The following ATAD5 variants were observed in gnomAD, a reference collection of about 807,000 sequenced individuals.
ATAD5 encodes the protein ATPase family AAA domain containing 5.
In ATAD5, 58 loss-of-function variants were observed where a neutral mutation model predicts 176.9. The ratio of observed to expected loss-of-function variants is 0.33; its 90% CI spans 0.27 to 0.41. ATAD5 has a LOEUF of 0.41. Among genes scored for constraint, ATAD5 ranks in the 10% least tolerant of loss-of-function variants. The pLI is 1.00. For synonymous variants in ATAD5, 640 were observed against 712.6 expected (o/e 0.90, Z 1.62); for missense variants, 1,789 against 2,094.1 (o/e 0.85, Z 2.84).
chr17:30,838,603 G>A (rs914137702), intron 3 of ATAD5, among the ~76,000 whole-genome samples: 11 of 152,194 alleles, frequency 7.2e-5, no homozygotes, highest in Admixed American at 3.9e-4. Context: ...CGAGATGCCA[G>A]CTGATTGTAC....
intron 11 of ATAD5, 106 bp downstream of exon 11, chr17:30,865,906 C>T (rs1907949736): frequency 5.1e-6 from 3 of 583,960 alleles, no homozygotes; most frequent in Non-Finnish European, 8.2e-6. Flanking sequence ...ATAAAATCTT[C>T]AAAAAACTGG....
chr17:30,855,029 T>C (rs1487515315), intron 6 of ATAD5, 114 bp from the exon 7 acceptor site: 4 of 966,444 alleles, frequency 4.1e-6, no homozygotes, highest in East Asian at 2.7e-5. Flanking sequence ...AAAGTACTTA[T>C]ATTACAGGCA....
chr17:30,858,846 T>C (rs1002148891), intron 9 of ATAD5, among the ~76,000 whole-genome samples: 1 of 152,126 alleles, frequency 6.6e-6, no homozygotes, highest in Non-Finnish European at 1.5e-5. Context: ...GCACCTAGCT[T>C]ATTTTATTTT....
chr17:30,887,952 C>T (rs900882759), intron 19 of ATAD5, among the ~76,000 whole-genome samples: 8 of 152,022 alleles, frequency 5.3e-5, no homozygotes, highest in Admixed American at 2.6e-4. Flanking sequence ...CTGCCTCAGC[C>T]TCCCGAGTAG....
chr17:30,839,246 T>C (rs1905931461), intron 3 of ATAD5, among the ~76,000 whole-genome samples: 2 of 152,190 alleles, frequency 1.3e-5, no homozygotes, highest in Non-Finnish European at 2.9e-5. Flanking sequence ...GTTAGATTTT[T>C]TTCTCTCCAG....
intron 3 of ATAD5, among the ~76,000 whole-genome samples, chr17:30,837,552 A>C (rs1319924052): frequency 6.6e-6 from 1 of 152,246 alleles, no homozygotes; most frequent in African/African-American, 2.4e-5. Context: ...ACTTATAAAA[A>C]GCTTTCTTAG....
intron 6 of ATAD5, among the ~76,000 whole-genome samples, chr17:30,848,466 C>G (rs1318758678): frequency 6.6e-6 from 1 of 151,972 alleles, no homozygotes; most frequent in African/African-American, 2.4e-5. Context: ...GCCATGTTGC[C>G]CAGGCTGGTC....
Position 30,835,229 on chromosome 17 carries a change from T to C in ATAD5, c.1148T>C (p.Leu383Ser). The change falls in exon 2 of 23, where the codon TTG becomes TCG. Residue 383 changes from leucine (L) to serine (S), a missense_variant. This residue lies in a region of ATAD5 where 696 missense variants were observed against 712.5 expected (regional missense o/e 0.98). Coordinates refer to ENST00000321990, the MANE Select transcript of ATAD5 (RefSeq NM_024857.5). ...IQEEELELAV[L>S]EAGSSEAVKP... Reference sequence around the variant, plus strand: ...GAGGAAGAATTAGAATTGGCTGTTTTGGAAGCTGGAAGTTCTGAAGCTGTG... The same window carrying C: ...GAGGAAGAATTAGAATTGGCTGTTTCGGAAGCTGGAAGTTCTGAAGCTGTG... The C allele has an allele frequency of 1.9e-6, 3 of 1,614,042 alleles. No individual in the cohort carries two copies. Among genetic ancestry groups the C allele is most frequent in the Non-Finnish European group, 2.5e-6 (3 of 1,179,988 alleles).
In ATAD5 at chr17:30,891,746, C is replaced by T. The variant is rs1461713366; in HGVS notation, c.4259-861C>T. On this transcript the variant is annotated intron_variant, in intron 19 of 22. Coordinates refer to ENST00000321990, the MANE Select transcript of ATAD5 (RefSeq NM_024857.5). Reference sequence around the variant, plus strand: ...TGTTGCCGAGGCTGGAGTGCAGTGGCGTGATCTCGGCTCACTGCAACCTCC... The same window carrying T: ...TGTTGCCGAGGCTGGAGTGCAGTGGTGTGATCTCGGCTCACTGCAACCTCC... 2.6e-5 allele frequency among the ~76,000 whole-genome samples: 4 copies of T among 151,992 alleles called. No homozygotes were observed. The East Asian group carries it at 5.8e-4, about 22-fold the overall frequency.
At chr17:30,857,281 C>T (rs1907343168) in intron 8 of ATAD5, among the ~76,000 whole-genome samples, 169 bp downstream of exon 8, 1 of 151,266 alleles carries the variant, frequency 6.6e-6, no homozygotes, top group Non-Finnish European at 1.5e-5. Context: ...TGCAGTGGTG[C>T]AATCTTGGCT....
intron 18 of ATAD5, among the ~76,000 whole-genome samples, chr17:30,879,897 G>A (rs993125740): frequency 2.6e-5 from 4 of 151,588 alleles, no homozygotes; most frequent in African/African-American, 4.8e-5. Flanking sequence ...GTGGTATCAC[G>A]CCTGTACTCC....
At chr17:30,891,518 CG>C (rs71142007) in intron 19 of ATAD5, among the ~76,000 whole-genome samples, 28,558 of 150,556 alleles carry the variant, frequency 0.19, 3,438 homozygotes, top group East Asian at 0.43. Flanking sequence ...ATTACAGGCA[CG>C]CACCACTATG....
intron 9 of ATAD5, among the ~76,000 whole-genome samples, chr17:30,860,180 C>G (rs1907540831): frequency 6.6e-6 from 1 of 152,080 alleles, no homozygotes; most frequent in African/African-American, 2.4e-5. Flanking sequence ...CATGCCACCA[C>G]CCCTGGCTGA....
At chr17:30,832,892 T>G (rs1279130277) in intron 1 of ATAD5, among the ~76,000 whole-genome samples, 1 of 152,252 alleles carries the variant, frequency 6.6e-6, no homozygotes, top group Non-Finnish European at 1.5e-5. Flanking sequence ...CAGTTTCTCA[T>G]GGCTTAGTAT....
intron 14 of ATAD5, among the ~76,000 whole-genome samples, chr17:30,875,100 G>A (rs1171807512): frequency 6.6e-6 from 1 of 151,890 alleles, no homozygotes; most frequent in Non-Finnish European, 1.5e-5. Flanking sequence ...GGAGATAGAG[G>A]GTAGAAAAAA....
Position 30,835,559 on chromosome 17 carries a change from G to A in ATAD5, c.1478G>A (p.Gly493Asp). The A allele has an allele frequency of 6.2e-7, 1 of 1,611,424 alleles. No homozygotes were observed. The highest frequency in any genetic ancestry group is 8.5e-7 in the Non-Finnish European group (1 of 1,178,992). Residue 493 changes from glycine to aspartate, a missense_variant, in exon 2 of 23, where the codon GGC (glycine) becomes GAC (aspartate). Around this residue, in one of 6 missense-constraint regions of ATAD5, gnomAD observed 696 missense variants for 712.5 expected, o/e 0.98. Transcript: ENST00000321990. ...ACATTAGATACTGGGGCTATTCCAG[G>A]CAAAAACAGAGAGGGAAACACTCAA... is the stretch of plus-strand genomic sequence containing the variant. ...KKTLDTGAIP[G>D]KNREGNTQKK...
chr17:30,878,633 C>T (rs1908803417), intron 17 of ATAD5, among the ~76,000 whole-genome samples: 1 of 147,786 alleles, frequency 6.8e-6, no homozygotes, highest in South Asian at 2.1e-4. Flanking sequence ...TGAGGCTAGT[C>T]TCTACTTACA....
intron 14 of ATAD5, among the ~76,000 whole-genome samples, chr17:30,874,508 T>C (rs1908537330): frequency 8.2e-6 from 1 of 121,574 alleles, no homozygotes; most frequent in Non-Finnish European, 1.6e-5. Flanking sequence ...GTCACTGCAC[T>C]CCAGCCTGGT....
chr17:30,879,711 T>C (rs562028720), intron 18 of ATAD5, among the ~76,000 whole-genome samples: 69 of 151,960 alleles, frequency 4.5e-4, no homozygotes, highest in East Asian at 5.9e-4. Context: ...TACAGGCGCC[T>C]GCCACCACGC....
Sources: allele counts gnomAD v4.1 joint callset (sites outside exome capture counted in the v4.1 genomes callset), GRCh38; gene constraint gnomAD v4.1.1; regional missense constraint gnomAD v4.1.1; transcripts MANE v1.5; gene names NCBI Gene and HGNC (gene_info 2026-07-23, HGNC 2026-07-21).